PRKG1: variants seen among roughly 807,000 people sequenced by gnomAD.
PRKG1 encodes cGMP-dependent protein kinase 1.
In PRKG1, 35 loss-of-function variants were observed where a neutral mutation model predicts 88.1. That is an observed-to-expected ratio of 0.40 (90% CI 0.30 to 0.53). The LOEUF (loss-of-function observed/expected upper bound fraction) is 0.53, where lower values mean the gene tolerates loss of function less well. PRKG1 is among the 20% of genes least tolerant of loss of function. The pLI is 0.59. For synonymous variants in PRKG1, 303 were observed against 292.5 expected, an observed-to-expected ratio of 1.04 and a Z score of -0.37; for missense variants, 540 against 839.8, an observed-to-expected ratio of 0.64 and a Z score of 4.41.
chr10:51,136,600 GGAGA>G (rs985323222), intron 1 of PRKG1, among the ~76,000 whole-genome samples: 1 of 135,084 alleles, frequency 7.4e-6, no homozygotes. Flanking sequence ...GGGGGCGGGG[GGAGA>G]GAGAGAGAAG....
At chr10:51,466,180 G>C (rs1839899780) in intron 2 of PRKG1, among the ~76,000 whole-genome samples, 1 of 151,906 alleles carries the variant, frequency 6.6e-6, no homozygotes, top group Non-Finnish European at 1.5e-5. Context: ...GTTTGCCACT[G>C]AAAAAAAGGA....
intron 2 of PRKG1, among the ~76,000 whole-genome samples, chr10:51,253,990 T>C (rs1219211037): frequency 6.6e-6 from 1 of 152,020 alleles, no homozygotes; most frequent in East Asian, 1.9e-4. Context: ...ACTATGATCA[T>C]TATGGATAAA....
intron 1 of PRKG1, among the ~76,000 whole-genome samples, chr10:51,045,984 A>C (rs756374350): frequency 6.6e-6 from 1 of 152,202 alleles, no homozygotes; most frequent in Non-Finnish European, 1.5e-5. Context: ...ATAAGCACTA[A>C]AGCTACTCTT....
chr10:52,144,592 C>T (rs1265805472), intron 8 of PRKG1, among the ~76,000 whole-genome samples: 1 of 152,140 alleles, frequency 6.6e-6, no homozygotes, highest in Non-Finnish European at 1.5e-5. Flanking sequence ...AGGTGGATCA[C>T]TTGAGGTCAG....
At chr10:51,967,419 G>T (rs978389435) in intron 5 of PRKG1, among the ~76,000 whole-genome samples, 1 of 152,068 alleles carries the variant, frequency 6.6e-6, no homozygotes, top group Non-Finnish European at 1.5e-5. Flanking sequence ...TGTGGGGTGG[G>T]GGATGGGGGA....
At chr10:51,475,190 A>C (rs2132832051) in intron 3 of PRKG1, among the ~76,000 whole-genome samples, 1 of 152,118 alleles carries the variant, frequency 6.6e-6, no homozygotes, top group African/African-American at 2.4e-5. Context: ...CTCCTGAATA[A>C]GGCTCTTAAT....
At chr10:52,161,728 C>A (rs1189088188) in intron 8 of PRKG1, among the ~76,000 whole-genome samples, 161 bp from the exon 9 acceptor site, 1 of 152,012 alleles carries the variant, frequency 6.6e-6, no homozygotes, top group African/African-American at 2.4e-5. Context: ...ATATTCTAGT[C>A]AGGAAAAATG....
chr10:51,049,586 G>A (rs1221317114), intron 1 of PRKG1, among the ~76,000 whole-genome samples: 1 of 152,130 alleles, frequency 6.6e-6, no homozygotes, highest in Non-Finnish European at 1.5e-5. Context: ...ACAGTTGCCT[G>A]CTAGGTTGAT....
In PRKG1 at chr10:51,412,207, GAGAGAGAAAGAA is replaced by G. The variant is rs775611345; in HGVS notation, c.479-55503_479-55492del. Among the ~76,000 whole-genome samples, 1,112 of 126,952 alleles carry G rather than the reference GAGAGAGAAAGAA, an allele frequency of 8.8e-3. 8 individuals carry two copies. The highest frequency in any genetic ancestry group is 0.023 in the Middle Eastern group (6 of 258). 83.3% of individuals were successfully genotyped at this position (126,952 alleles called of 152,430 possible). A position where few individuals can be genotyped will look rare whatever the true frequency, so the allele number is the denominator to read the frequency against. ...AGAGAGAGAGAGAGAGAGAGAGAGAGAGAGAGAAAGAAAGAGAGAAAGAATTGTTCAGAAAAT... is the reference window on the plus strand; with the variant it reads ...AGAGAGAGAGAGAGAGAGAGAGAGAGAGAGAGAAAGAATTGTTCAGAAAAT... On this transcript the variant is annotated intron_variant, in intron 2 of 17. Transcript: ENST00000373980.
chr10:52,078,982 C>A (rs1459747406), intron 7 of PRKG1, among the ~76,000 whole-genome samples: 1 of 152,158 alleles, frequency 6.6e-6, no homozygotes, highest in Non-Finnish European at 1.5e-5. Context: ...TGCCTACAGG[C>A]AAATATCATG....
intron 2 of PRKG1, among the ~76,000 whole-genome samples, chr10:51,199,475 A>T (rs572336481): frequency 3.5e-4 from 54 of 152,290 alleles, no homozygotes; most frequent in Non-Finnish European, 5.9e-4. Flanking sequence ...CTGGAAAAGG[A>T]GACATGTATG....
intron 5 of PRKG1, among the ~76,000 whole-genome samples, chr10:52,013,456 G>A: frequency 6.6e-6 from 1 of 152,184 alleles, no homozygotes; most frequent in Non-Finnish European, 1.5e-5. Flanking sequence ...GAGGTTGTTG[G>A]GAATGCACTG....
At chr10:51,663,783 CAGAAACTT>C (rs2132335225) in intron 3 of PRKG1, among the ~76,000 whole-genome samples, 1 of 150,326 alleles carries the variant, frequency 6.7e-6, no homozygotes, top group East Asian at 2.0e-4. Context: ...GAATAAACTG[CAGAAACTT>C]AGAGAGAATT....
intron 5 of PRKG1, among the ~76,000 whole-genome samples, chr10:52,051,118 G>T (rs536457919): frequency 6.6e-6 from 1 of 152,004 alleles, no homozygotes; most frequent in Non-Finnish European, 1.5e-5. Context: ...CCTTACTTTC[G>T]CTCATTTTAA....
intron 9 of PRKG1, among the ~76,000 whole-genome samples, chr10:52,162,321 A>G (rs1465628319): frequency 6.6e-6 from 1 of 152,130 alleles, no homozygotes; most frequent in Non-Finnish European, 1.5e-5. Context: ...TATCAAAAAT[A>G]ATAAGGCTAG....
chr10:52,150,298 A>G lies in PRKG1; in HGVS notation c.1002-11591A>G, dbSNP rs570674133. On this transcript the variant is annotated intron_variant, in intron 8 of 17. Transcript: ENST00000373980. ...TCAGATTTCCATATTGGGGAGATAA[A>G]TATGGTGCCAATTACGGCTGGGATT... Among the ~76,000 whole-genome samples, 120 of 152,146 alleles carry G rather than the reference A, an allele frequency of 7.9e-4. 1 individual carries two copies. The highest frequency in any genetic ancestry group is 1.0e-3 in the Non-Finnish European group (69 of 68,004).
chr10:51,687,800 T>C (rs572775854), intron 3 of PRKG1, among the ~76,000 whole-genome samples: 26 of 152,186 alleles, frequency 1.7e-4, no homozygotes, highest in Non-Finnish European at 2.6e-4. Flanking sequence ...TTCTTCTCCA[T>C]ATCTAAGGAA....
At chr10:52,065,075 A>G (rs1377999136) in intron 7 of PRKG1, among the ~76,000 whole-genome samples, 1 of 152,190 alleles carries the variant, frequency 6.6e-6, no homozygotes. Context: ...TCAAGAAGCA[A>G]GCACTTGGGG....
intron 3 of PRKG1, among the ~76,000 whole-genome samples, chr10:51,582,361 G>A (rs1174570433): frequency 1.3e-5 from 2 of 152,092 alleles, no homozygotes; most frequent in Admixed American, 1.3e-4. Flanking sequence ...TGTGCAAGAT[G>A]CACAGGTTTG....
Sources: allele counts gnomAD v4.1 joint callset (sites outside exome capture counted in the v4.1 genomes callset), GRCh38; gene constraint gnomAD v4.1.1; transcripts MANE v1.5; gene names NCBI Gene and HGNC (gene_info 2026-07-23, HGNC 2026-07-21).